The following KLHL1 variants were observed in gnomAD, a reference collection of about 807,000 sequenced individuals.
KLHL1 encodes kelch-like protein 1.
A neutral mutation model predicts 77.7 loss-of-function variants in KLHL1; 47 were observed. The observed-to-expected ratio is 0.60, with a 90% CI of 0.48 to 0.77. The LOEUF is 0.77. Ranked by LOEUF, KLHL1 falls within the 30% of genes least tolerant of loss-of-function variation. KLHL1 has a pLI of 0.00. For synonymous variants in KLHL1, 360 were observed against 325.2 expected (o/e 1.11, Z -1.15); for missense variants, 925 against 910.8 (o/e 1.02, Z -0.20).
chr13:69,809,380 C>T (rs1026788110), intron 6 of KLHL1, among the ~76,000 whole-genome samples: 3 of 152,020 alleles, frequency 2.0e-5, no homozygotes, highest in Non-Finnish European at 4.4e-5. Flanking sequence ...TCTTACAAGC[C>T]AAAAGATATT....
At chr13:69,782,409 T>G (rs998360390) in intron 7 of KLHL1, among the ~76,000 whole-genome samples, 3 of 152,186 alleles carry the variant, frequency 2.0e-5, no homozygotes, top group East Asian at 1.9e-4. Context: ...TTCCCTTTCC[T>G]AGTCAAAGAA....
At chr13:69,931,039 A>G (rs1175420244) in intron 4 of KLHL1, among the ~76,000 whole-genome samples, 1 of 151,666 alleles carries the variant, frequency 6.6e-6, no homozygotes, top group East Asian at 1.9e-4. Context: ...TTACTATCAT[A>G]TATTCTTACC....
chr13:69,725,925 T>C (rs550748314), intron 8 of KLHL1, among the ~76,000 whole-genome samples: 11 of 152,240 alleles, frequency 7.2e-5, no homozygotes, highest in Admixed American at 2.6e-4. Flanking sequence ...ATTTACTTTA[T>C]CATAGGTAGC....
intron 8 of KLHL1, among the ~76,000 whole-genome samples, chr13:69,724,236 T>G (rs1265247583): frequency 6.6e-6 from 1 of 152,088 alleles, no homozygotes; most frequent in Non-Finnish European, 1.5e-5. Flanking sequence ...ATTTTGCATG[T>G]AATGGTTGAT....
At chr13:69,797,754 G>A (rs1229258110) in intron 6 of KLHL1, among the ~76,000 whole-genome samples, 5 of 149,046 alleles carry the variant, frequency 3.4e-5, no homozygotes, top group South Asian at 2.1e-4. Context: ...GCATGAACCC[G>A]GGAGGCGGCG....
At chr13:69,756,183 C>G (rs1874724831) in intron 7 of KLHL1, among the ~76,000 whole-genome samples, 1 of 152,140 alleles carries the variant, frequency 6.6e-6, no homozygotes. Flanking sequence ...GTCTTTGTCA[C>G]ACCCTTACTC....
chr13:70,023,455 C>T (rs1885853000), intron 1 of KLHL1, among the ~76,000 whole-genome samples: 1 of 151,868 alleles, frequency 6.6e-6, no homozygotes, highest in Admixed American at 6.6e-5. Flanking sequence ...CTATTTTCAC[C>T]ACCAATAAAA....
intron 7 of KLHL1, among the ~76,000 whole-genome samples, chr13:69,758,604 A>G (rs1195315803): frequency 1.3e-5 from 2 of 152,014 alleles, no homozygotes; most frequent in Admixed American, 6.6e-5. Context: ...TTAATTACAT[A>G]TATTAAGTAT....
At chr13:70,099,463 G>A (rs560960791) in intron 1 of KLHL1, among the ~76,000 whole-genome samples, 9 of 151,998 alleles carry the variant, frequency 5.9e-5, no homozygotes, top group African/African-American at 2.2e-4. Flanking sequence ...CTATCAAGAA[G>A]AAGGCAACAA....
chr13:69,786,306 C>G (rs1487845470), intron 7 of KLHL1, among the ~76,000 whole-genome samples: 2 of 152,132 alleles, frequency 1.3e-5, no homozygotes, highest in African/African-American at 4.8e-5. Flanking sequence ...AGCTTATCCA[C>G]CATGATCAAG....
rs936749612 is a variant in KLHL1 at position 69,974,449 on chromosome 13, T to C, written c.680+1171A>G. ...ATATAAACAGTAATAAAGAAAACAA[T>C]GTAGAATATTATGAATATAGAATAA... On this transcript the variant is annotated intron_variant, in intron 2 of 10. Transcript: ENST00000377844. 2.0e-5 allele frequency among the ~76,000 whole-genome samples: 3 copies of C among 151,534 alleles called. No homozygotes were observed. The South Asian group carries it at 6.2e-4, about 31-fold the overall frequency.
At chr13:69,713,500 A>G (rs556754899) in intron 9 of KLHL1, among the ~76,000 whole-genome samples, 1 of 152,214 alleles carries the variant, frequency 6.6e-6, no homozygotes, top group African/African-American at 2.4e-5. Context: ...ATTGACTTTT[A>G]TCATTTTTTC....
At chr13:69,844,744 T>A (rs1879390113) in intron 5 of KLHL1, among the ~76,000 whole-genome samples, 1 of 151,610 alleles carries the variant, frequency 6.6e-6, no homozygotes, top group Non-Finnish European at 1.5e-5. Context: ...ATTCAAGCAA[T>A]AAGGTTTTTC....
chr13:70,086,595 AAAGAAAGAAAGAAAGAAAGAAAG>A (rs1566564185), intron 1 of KLHL1, among the ~76,000 whole-genome samples: 9 of 34,406 alleles, frequency 2.6e-4, no homozygotes, highest in African/African-American at 6.7e-4. Flanking sequence ...AAAAAAAAAG[AAAGAAAGAAAGAAAGAAAGAAAG>A]AAAGAAAGAA....
Position 70,107,623 on chromosome 13 carries a change from G to A in KLHL1, c.77C>T (p.Ser26Phe). ...CCCCGCCGGGCCGCCGGTGGAAGGAGACGGGTGGCTGAAGAGTTTCCAGCG... is the reference window on the plus strand; with the variant it reads ...CCCCGCCGGGCCGCCGGTGGAAGGAAACGGGTGGCTGAAGAGTTTCCAGCG... Reference protein sequence around the residue: ...RLRWKLFSHPSPSTGGPAGGG... With the variant: ...RLRWKLFSHPFPSTGGPAGGG... The change falls in exon 1 of 11, where the codon TCT becomes TTT. Residue 26 changes from serine (S) to phenylalanine (F), a missense_variant. Transcript: ENST00000377844. The A allele has an allele frequency of 6.3e-7, 1 of 1,579,252 alleles. No individual in the cohort carries two copies. The highest frequency in any genetic ancestry group is 8.6e-7 in the Non-Finnish European group (1 of 1,164,894).
chr13:69,768,832 T>G (rs186937173), intron 7 of KLHL1, among the ~76,000 whole-genome samples: 2 of 152,298 alleles, frequency 1.3e-5, no homozygotes, highest in East Asian at 1.9e-4. Flanking sequence ...TGCTTGAAAT[T>G]TAGGTGCTTA....
chr13:69,850,815 C>T (rs1879655286), intron 5 of KLHL1, among the ~76,000 whole-genome samples: 1 of 151,626 alleles, frequency 6.6e-6, no homozygotes, highest in Non-Finnish European at 1.5e-5. Context: ...GTCACTGTGC[C>T]TCCAGATCAA....
intron 4 of KLHL1, among the ~76,000 whole-genome samples, chr13:69,924,164 C>G (rs1291851590): frequency 3.9e-5 from 6 of 152,172 alleles, no homozygotes; most frequent in Non-Finnish European, 8.8e-5. Flanking sequence ...TGCAGGTGCT[C>G]CTCAGCACAA....
At chr13:70,068,116 C>T (rs376782775) in intron 1 of KLHL1, among the ~76,000 whole-genome samples, 324 of 150,528 alleles carry the variant, frequency 2.2e-3, no homozygotes, top group African/African-American at 6.8e-3. Flanking sequence ...CCGAGGCGGG[C>T]GGATCACGAG....
Sources: gnomAD v4.1 joint callset for allele counts (sites outside exome capture counted in the v4.1 genomes callset) on GRCh38, gnomAD v4.1.1 for gene constraint, MANE v1.5 for transcripts, NCBI Gene and HGNC (gene_info 2026-07-23, HGNC 2026-07-21) for gene names.